Variants in SEMG1 observed in about 807,000 individuals in gnomAD.
The protein encoded by SEMG1 is semenogelin 1.
SEMG1 carries 6 observed loss-of-function variants against 8.8 expected under a neutral mutation model. The ratio of observed to expected loss-of-function variants is 0.68; its 90% confidence interval spans 0.37 to 1.35. The LOEUF (loss-of-function observed/expected upper bound fraction) is 1.35, where lower values mean the gene tolerates loss of function less well. SEMG1 is among the 40% of genes most tolerant of loss of function. The pLI is 0.02. For synonymous variants in SEMG1, 221 were observed against 190.3 expected (o/e 1.16, Z -1.33); for missense variants, 580 against 533.6 (o/e 1.09, Z -0.86).
Position 45,208,192 on chromosome 20 carries a change from C to T in SEMG1, c.895C>T (p.His299Tyr), listed in dbSNP as rs760850388. 8 of 1,613,982 alleles carry T rather than the reference C, an allele frequency of 5.0e-6. No homozygotes were observed. In the South Asian group the frequency reaches 8.8e-5, roughly 18 times the overall value. ...TTCAAGTACAGAAGAAAGACGACTC[C>T]ACTATGGAGAAAATGGTGTGCAGAA... Reference protein sequence around the residue: ...QSSSTEERRLHYGENGVQKDV... With the variant: ...QSSSTEERRLYYGENGVQKDV... The change falls in exon 2 of 3, where the codon CAC becomes TAC. Residue 299 changes from histidine to tyrosine, a missense_variant. Physicochemically the swap from His to Tyr is moderately conservative, Grantham distance 83. Transcript: ENST00000372781.
Position 45,208,107 on chromosome 20 carries a change from A to C in SEMG1, c.810A>C (p.Thr270=), listed in dbSNP as rs1045997680. 3.5e-5 allele frequency: 56 copies of C among 1,614,022 alleles called. No homozygotes were observed. The highest frequency in any genetic ancestry group is 4.7e-5 in the Non-Finnish European group (55 of 1,180,010). ...TATATAACAAGAATCAACACCAGAC[A>C]AAAAATCTCAATCAAGATCAACAGC... The part of the protein sequence containing the change: ...LLVYNKNQHQ[T]KNLNQDQQHG... Residue 270 remains threonine (T), a synonymous_variant, in exon 2 of 3, where the codon ACA becomes ACC. Coordinates refer to ENST00000372781, the MANE Select transcript of SEMG1 (RefSeq NM_003007.5).
At chr20:45,208,859 G>T (rs1983780770) in intron 2 of SEMG1, 129 bp downstream of exon 2, 2 of 518,602 alleles carry the variant, frequency 3.9e-6, no homozygotes, top group Non-Finnish European at 6.9e-6. Context: ...ACAAGTGGTA[G>T]GAAGATGAGC....
chr20:45,208,713 G>T lies in SEMG1; in HGVS notation c.*27G>T. On this transcript the variant is annotated 3_prime_UTR_variant, in exon 2 of 3. Transcript: ENST00000372781. Reference sequence around the variant, plus strand: ...CCTACCATTCGGTAACCATGTGAAAGGATGGACCAATATCAAGGTAATTTT... The same window carrying T: ...CCTACCATTCGGTAACCATGTGAAATGATGGACCAATATCAAGGTAATTTT... 6.7e-7 allele frequency: 1 copy of T among 1,500,260 alleles called. No homozygotes were observed. Among genetic ancestry groups the T allele is most frequent in the Non-Finnish European group, 9.1e-7 (1 of 1,099,646 alleles). The allele number at this position is 1,500,260 out of a possible 1,614,324, so 92.9% of individuals were successfully genotyped here.
Position 45,207,923 on chromosome 20 carries a change from A to G in SEMG1, c.626A>G (p.Glu209Gly). ...CTAGTAGCTAACAAACAACAACGTG[A>G]GACTAAAAATTCTCATCAAAATAAA... The part of the protein sequence containing the change: ...EELVANKQQR[E>G]TKNSHQNKGH... Residue 209 changes from glutamate (E) to glycine (G), a missense_variant, in exon 2 of 3, where the codon GAG becomes GGG. Transcript: ENST00000372781. The G allele has an allele frequency of 6.2e-7, 1 of 1,614,140 alleles. No homozygotes were observed. Among genetic ancestry groups the G allele is most frequent in the Non-Finnish European group, 8.5e-7 (1 of 1,179,994 alleles).
At chr20:45,207,342 T>A in intron 1 of SEMG1, 32 bp from the exon 2 acceptor site, 1 of 1,537,678 alleles carries the variant, frequency 6.5e-7, no homozygotes. Flanking sequence ...TTGGAGATAA[T>A]GAATGCATAC....
At position 45,207,949 on chromosome 20, in the gene SEMG1, G is replaced by A. The variant is rs778080631; in HGVS notation, c.652G>A (p.Gly218Arg). The A allele has an allele frequency of 2.5e-6, 4 of 1,613,782 alleles. No individual in the cohort carries two copies. The highest frequency in any genetic ancestry group is 3.3e-5 in the Admixed American group (2 of 59,962). The change falls in exon 2 of 3, where the codon GGG (glycine) becomes AGG (arginine). Residue 218 changes from glycine (G) to arginine (R), a missense_variant. Coordinates refer to ENST00000372781, the MANE Select transcript of SEMG1 (RefSeq NM_003007.5). ...GACTAAAAATTCTCATCAAAATAAAGGGCATTACCAAAATGTGGTTGAAGT... is the reference window on the plus strand; with the variant it reads ...GACTAAAAATTCTCATCAAAATAAAAGGCATTACCAAAATGTGGTTGAAGT... ...RETKNSHQNK[G>R]HYQNVVEVRE... is the part of the protein sequence containing the mutation.
At position 45,208,420 on chromosome 20, in the gene SEMG1, T is replaced by C. The variant is rs1480870357; in HGVS notation, c.1123T>C (p.Tyr375His). Reference protein sequence around the residue: ...VQKDVSQRSIYSQTEKLVAGK... With the variant: ...VQKDVSQRSIHSQTEKLVAGK... ...GAAAGATGTATCCCAACGCAGTATT[T>C]ATAGCCAAACTGAAAAGCTAGTAGC... The change falls in exon 2 of 3, where the codon TAT becomes CAT. Residue 375 changes from tyrosine (Y) to histidine (H), a missense_variant. By Grantham distance (83) the Tyr-to-His change is moderately conservative. Transcript: ENST00000372781. The C allele has an allele frequency of 1.2e-6, 2 of 1,614,056 alleles. No individual in the cohort carries two copies. Among genetic ancestry groups the C allele is most frequent in the African/African-American group, 1.3e-5 (1 of 75,040 alleles).
chr20:45,207,831 C>T lies in SEMG1; in HGVS notation c.534C>T (p.Val178=). 6.2e-7 allele frequency: 1 copy of T among 1,613,758 alleles called. No homozygotes were observed. Among genetic ancestry groups the T allele is most frequent in the Non-Finnish European group, 8.5e-7 (1 of 1,179,734 alleles). Residue 178 remains valine (V), a synonymous_variant, in exon 2 of 3, where the codon GTC becomes GTT. Coordinates refer to ENST00000372781, the MANE Select transcript of SEMG1 (RefSeq NM_003007.5). ...GACTAAGTAAAGAACAAACTTCCGTCTCTGGTGCACAAAAAGGTAGAAAAC... is the reference window on the plus strand; with the variant it reads ...GACTAAGTAAAGAACAAACTTCCGTTTCTGGTGCACAAAAAGGTAGAAAAC... The part of the protein sequence containing the change: ...VHGLSKEQTS[V]SGAQKGRKQG...
Position 45,207,059 on chromosome 20 carries a change from G to A in SEMG1, c.6G>A (p.Lys2=). 6.2e-7 allele frequency: 1 copy of A among 1,613,684 alleles called. No individual in the cohort carries two copies. The highest frequency in any genetic ancestry group is 8.5e-7 in the Non-Finnish European group (1 of 1,179,716). ...GACAAGGTTTTCCAAGCAAGATGAA[G>A]CCCAACATCATCTTTGTACTTTCCC... The part of the protein sequence containing the change: M[K]PNIIFVLSLL... Residue 2 remains lysine, a synonymous_variant, in exon 1 of 3, where the codon AAG becomes AAA. Transcript: ENST00000372781.
At chr20:45,208,922 G>A (rs1232207733) in intron 2 of SEMG1, among the ~76,000 whole-genome samples, 192 bp downstream of exon 2, 1 of 152,024 alleles carries the variant, frequency 6.6e-6, no homozygotes, top group African/African-American at 2.4e-5. Flanking sequence ...AAGGATGTTT[G>A]GCCTATCATG....
chr20:45,208,005 C>T lies in SEMG1; in HGVS notation c.708C>T (p.Thr236=), dbSNP rs760534549. The change falls in exon 2 of 3, where the codon ACC becomes ACT. Residue 236 remains threonine, a synonymous_variant. Transcript: ENST00000372781. ...AGGAACATTCAAGTAAAGTACAAAC[C>T]TCACTCTGTCCTGCGCACCAAGACA... ...VREEHSSKVQ[T]SLCPAHQDKL... 2.5e-5 allele frequency: 40 copies of T among 1,613,768 alleles called. No homozygotes were observed. The highest frequency in any genetic ancestry group is 3.2e-5 in the Non-Finnish European group (38 of 1,179,964).
chr20:45,208,748 AATAGGGGAGATATCTCTCTC>A lies in SEMG1; in HGVS notation c.*44+21_*44+40del, dbSNP rs898436511. 9 of 1,099,744 alleles carry A rather than the reference AATAGGGGAGATATCTCTCTC, an allele frequency of 8.2e-6. No individual in the cohort carries two copies. The African/African-American group carries it at 1.4e-4, about 17-fold the overall frequency. 68.1% of individuals were successfully genotyped at this position (1,099,744 alleles called of 1,614,324 possible). On this transcript the variant is annotated intron_variant, in intron 2 of 2. Coordinates refer to ENST00000372781, the MANE Select transcript of SEMG1 (RefSeq NM_003007.5). ...ATATCAAGGTAATTTTTTTTTAGCAAATAGGGGAGATATCTCTCTCATTGTTTAGAATTGTTGGGGACTCT... is the reference window on the plus strand; with the variant it reads ...ATATCAAGGTAATTTTTTTTTAGCAAATTGTTTAGAATTGTTGGGGACTCT...
Position 45,208,465 on chromosome 20 carries a change from G to A in SEMG1, c.1168G>A (p.Ala390Thr). The A allele has an allele frequency of 6.2e-7, 1 of 1,613,846 alleles. No homozygotes were observed. The highest frequency in any genetic ancestry group is 8.5e-7 in the Non-Finnish European group (1 of 1,179,942). ...AGTAGCAGGCAAGTCTCAAATCCAG[G>A]CACCAAATCCTAAGCAAGAGCCATG... Reference protein sequence around the residue: ...KLVAGKSQIQAPNPKQEPWHG... With the variant: ...KLVAGKSQIQTPNPKQEPWHG... Residue 390 changes from alanine (A) to threonine (T), a missense_variant, in exon 2 of 3, where the codon GCA becomes ACA. Coordinates refer to ENST00000372781, the MANE Select transcript of SEMG1 (RefSeq NM_003007.5).
In SEMG1 at chr20:45,208,140, A is replaced by G; in HGVS notation, c.843A>G (p.Arg281=). 6.2e-7 allele frequency: 1 copy of G among 1,614,092 alleles called. No individual in the cohort carries two copies. The highest frequency in any genetic ancestry group is 8.5e-7 in the Non-Finnish European group (1 of 1,179,996). ...KNLNQDQQHG[R]KANKISYQSS... is the part of the protein sequence containing the mutation. ...TCAATCAAGATCAACAGCATGGCCG[A>G]AAGGCAAATAAAATATCATACCAAT... Residue 281 remains arginine (R), a synonymous_variant, in exon 2 of 3, where the codon CGA becomes CGG. Transcript: ENST00000372781.
chr20:45,207,109 C>A lies in SEMG1; in HGVS notation c.56C>A (p.Ala19Glu). The change falls in exon 1 of 3, where the codon GCA becomes GAA. Residue 19 changes from alanine to glutamate, a missense_variant. By Grantham distance (107) the Ala-to-Glu change is moderately radical. Transcript: ENST00000372781. ...LSLLLILEKQ[A>E]AVMGQKGGSK... ...CTGCTCCTCATCTTGGAGAAGCAAG[C>A]AGCTGTGATGGGACAAAAAGGTGAG... 1.2e-6 allele frequency: 2 copies of A among 1,613,786 alleles called. No individual in the cohort carries two copies. The highest frequency in any genetic ancestry group is 1.7e-6 in the Non-Finnish European group (2 of 1,179,802).
At chr20:45,207,153 G>T (rs1468497147) in intron 1 of SEMG1, 24 bp downstream of exon 1, 1 of 1,613,308 alleles carries the variant, frequency 6.2e-7, no homozygotes, top group African/African-American at 1.3e-5. Flanking sequence ...GTAAGCCTTG[G>T]GGAAAGCTGC....
rs1446309434 is a variant in SEMG1 at position 45,207,050 on chromosome 20, C to A, written c.-4C>A. ...CAGCTCTCAGACAAGGTTTTCCAAG[C>A]AAGATGAAGCCCAACATCATCTTTG... On this transcript the variant is annotated 5_prime_UTR_variant, in exon 1 of 3. Coordinates refer to ENST00000372781, the MANE Select transcript of SEMG1 (RefSeq NM_003007.5). The A allele has an allele frequency of 6.2e-7, 1 of 1,613,606 alleles. No homozygotes were observed. Among genetic ancestry groups the A allele is most frequent in the African/African-American group, 1.3e-5 (1 of 74,988 alleles).
In SEMG1 at chr20:45,208,001, A is replaced by C; in HGVS notation, c.704A>C (p.Gln235Pro). 6.2e-7 allele frequency: 1 copy of C among 1,614,064 alleles called. No homozygotes were observed. The highest frequency in any genetic ancestry group is 8.5e-7 in the Non-Finnish European group (1 of 1,179,982). The change falls in exon 2 of 3, where the codon CAA (glutamine) becomes CCA (proline). Residue 235 changes from glutamine (Q) to proline (P), a missense_variant. Coordinates refer to ENST00000372781, the MANE Select transcript of SEMG1 (RefSeq NM_003007.5). Reference sequence around the variant, plus strand: ...AGAGAGGAACATTCAAGTAAAGTACAAACCTCACTCTGTCCTGCGCACCAA... The same window carrying C: ...AGAGAGGAACATTCAAGTAAAGTACCAACCTCACTCTGTCCTGCGCACCAA... Reference protein sequence around the residue: ...EVREEHSSKVQTSLCPAHQDK... With the variant: ...EVREEHSSKVPTSLCPAHQDK...
chr20:45,207,217 G>A (rs1349562651), intron 1 of SEMG1, 88 bp downstream of exon 1: 26 of 1,544,830 alleles, frequency 1.7e-5, no homozygotes, highest in South Asian at 1.5e-4. Flanking sequence ...ACCTGTTTAG[G>A]CACAGATTCT....
Sources: gnomAD v4.1 joint callset for allele counts (sites outside exome capture counted in the v4.1 genomes callset) on GRCh38, gnomAD v4.1.1 for gene constraint, MANE v1.5 for transcripts, NCBI Gene and HGNC (gene_info 2026-07-23, HGNC 2026-07-21) for gene names.